Variants in CDH11 observed in about 807,000 individuals in gnomAD.
The protein encoded by CDH11 is cadherin-11.
CDH11 carries 11 observed loss-of-function variants against 67.8 expected under a neutral mutation model. That is an observed-to-expected ratio of 0.16 (90% CI 0.10 to 0.27). CDH11 has a LOEUF of 0.27. Among genes scored for constraint, CDH11 ranks in the 10% least tolerant of loss-of-function variants. The pLI is 1.00. For missense variants in CDH11, 847 were observed against 1,031.2 expected (o/e 0.82, Z 2.45); for synonymous variants, 419 against 400.0 (o/e 1.05, Z -0.57).
At chr16:64,980,079 G>A (rs189740816) in intron 8 of CDH11, among the ~76,000 whole-genome samples, 1 of 152,272 alleles carries the variant, frequency 6.6e-6, no homozygotes, top group Non-Finnish European at 1.5e-5. Flanking sequence ...GAAACGGGGA[G>A]TGACTGCTAA....
chr16:65,004,921 A>G lies in CDH11; in HGVS notation c.-52T>C, dbSNP rs1479311717. ...AATGCAGCTGTCACCCCTTCCACCA[A>G]CTGTACGGTGGTCTTGCTGAGGGTG... is the stretch of plus-strand genomic sequence containing the variant. On this transcript the variant is annotated 5_prime_UTR_variant, in exon 3 of 13. Transcript: ENST00000268603. 3 of 1,463,952 alleles carry G rather than the reference A, an allele frequency of 2.0e-6. No homozygotes were observed. Among genetic ancestry groups the G allele is most frequent in the South Asian group, 1.4e-5 (1 of 70,720 alleles). The allele number at this position is 1,463,952 out of a possible 1,614,324, so 90.7% of individuals were successfully genotyped here.
chr16:64,966,479 G>T (rs2071831281), intron 11 of CDH11, among the ~76,000 whole-genome samples: 1 of 151,746 alleles, frequency 6.6e-6, no homozygotes, highest in African/African-American at 2.4e-5. Flanking sequence ...ACATATATAT[G>T]TATAAAATTA....
Position 64,946,253 on chromosome 16 carries a change from G to C in CDH11, c.*1350C>G, listed in dbSNP as rs1051972069. On this transcript the variant is annotated 3_prime_UTR_variant, in exon 13 of 13. Transcript: ENST00000268603. ...AAATAAGCAGTTTCAACTATCAAGA[G>C]TCTTACAATAGCCTGGTAAGTTCAA... The C allele has an allele frequency of 6.7e-6, 7 of 1,047,976 alleles. No homozygotes were observed. The African/African-American group carries it at 1.0e-4, about 15-fold the overall frequency. The allele number at this position is 1,047,976 out of a possible 1,614,324, so 64.9% of individuals were successfully genotyped here.
intron 2 of CDH11, among the ~76,000 whole-genome samples, chr16:65,013,342 G>T (rs1042751210): frequency 2.0e-5 from 3 of 152,188 alleles, no homozygotes; most frequent in Admixed American, 2.0e-4. Flanking sequence ...TCTAGTCGGG[G>T]TTGACAGGAG....
intron 5 of CDH11, among the ~76,000 whole-genome samples, chr16:64,992,141 A>G (rs2072643441): frequency 1.3e-5 from 2 of 152,170 alleles, no homozygotes; most frequent in African/African-American, 2.4e-5. Flanking sequence ...ACTATACAGC[A>G]TTTGTATTTA....
At chr16:65,067,716 G>A (rs1031793083) in intron 1 of CDH11, among the ~76,000 whole-genome samples, 3 of 145,892 alleles carry the variant, frequency 2.1e-5, no homozygotes, top group African/African-American at 8.0e-5. Flanking sequence ...AGGGAAGAAG[G>A]GAGAAGAGAA....
intron 2 of CDH11, among the ~76,000 whole-genome samples, chr16:65,021,876 G>GAAAAAAAAAAAAAAAAA (rs35700448): frequency 6.4e-5 from 7 of 109,840 alleles, no homozygotes; most frequent in Non-Finnish European, 9.0e-5. Context: ...AAGTAACTCA[G>GAAAAAAAAAAAAAAAAA]AAAAAAAAAA....
chr16:65,107,173 A>G (rs2075079374), intron 1 of CDH11, among the ~76,000 whole-genome samples: 2 of 152,182 alleles, frequency 1.3e-5, no homozygotes, highest in African/African-American at 4.8e-5. Flanking sequence ...TAACAGAGCA[A>G]TGAAGAACAC....
chr16:65,004,620 G>C (rs1269936488), intron 3 of CDH11, 22 bp downstream of exon 3: 1 of 1,604,952 alleles, frequency 6.2e-7, no homozygotes, highest in Non-Finnish European at 8.5e-7. Context: ...GAAAGCTCAG[G>C]ATTGAGGGAA....
intron 1 of CDH11, among the ~76,000 whole-genome samples, chr16:65,112,069 CAAAAA>C (rs35671651): frequency 1.1e-5 from 1 of 91,322 alleles, no homozygotes; most frequent in Non-Finnish European, 2.1e-5. Context: ...GACTCTGTCT[CAAAAA>C]AAAAAAAAAA....
chr16:64,946,471 T>C lies in CDH11; in HGVS notation c.*1132A>G. 2 of 1,031,364 alleles carry C rather than the reference T, an allele frequency of 1.9e-6. No individual in the cohort carries two copies. Among genetic ancestry groups the C allele is most frequent in the Non-Finnish European group, 2.3e-6 (2 of 857,482 alleles). 63.9% of individuals were successfully genotyped at this position (1,031,364 alleles called of 1,614,324 possible). ...TGATATACAAGATAAATGCATACTA[T>C]ATAACACATATTGCAAAGTCATAGA... On this transcript the variant is annotated 3_prime_UTR_variant, in exon 13 of 13. Coordinates refer to ENST00000268603, the MANE Select transcript of CDH11 (RefSeq NM_001797.4).
intron 2 of CDH11, among the ~76,000 whole-genome samples, chr16:65,028,709 A>G (rs1345190114): frequency 6.6e-6 from 1 of 151,988 alleles, no homozygotes; most frequent in East Asian, 1.9e-4. Context: ...AGCTTGCACA[A>G]CCCCCTTCCA....
Position 64,945,593 on chromosome 16 carries a change from A to G in CDH11, c.*2010T>C, listed in dbSNP as rs1323912143. The G allele has an allele frequency of 9.7e-7, 1 of 1,032,146 alleles. No individual in the cohort carries two copies. 63.9% of individuals were successfully genotyped at this position (1,032,146 alleles called of 1,614,324 possible). ...TGGATTACAAAAACTATATAAAAAA[A>G]TGAACACAACCTGCAATTATGGAAG... On this transcript the variant is annotated 3_prime_UTR_variant, in exon 13 of 13. Transcript: ENST00000268603.
intron 2 of CDH11, among the ~76,000 whole-genome samples, chr16:65,045,125 G>A (rs1435758926): frequency 6.6e-6 from 1 of 151,388 alleles, no homozygotes; most frequent in Non-Finnish European, 1.5e-5. Flanking sequence ...ATGGTTTGGG[G>A]CAATGAATCA....
chr16:65,122,102 G>T, upstream of CDH11: 3 of 577,274 alleles, frequency 5.2e-6, no homozygotes, highest in Non-Finnish European at 9.1e-6. Flanking sequence ...TGAGAAACCG[G>T]GGGGAGGTGG....
At chr16:65,018,200 G>C (rs2073350309) in intron 2 of CDH11, among the ~76,000 whole-genome samples, 1 of 152,110 alleles carries the variant, frequency 6.6e-6, no homozygotes, top group Admixed American at 6.5e-5. Flanking sequence ...TTCTGGTCCT[G>C]TCAGAAAGTG....
intron 7 of CDH11, 168 bp downstream of exon 7, chr16:64,987,989 G>T (rs1037312319): frequency 3.8e-6 from 2 of 528,662 alleles, no homozygotes; most frequent in Non-Finnish European, 3.4e-6. Context: ...TAACAGAAAG[G>T]AATACAATTC....
intron 1 of CDH11, among the ~76,000 whole-genome samples, chr16:65,068,868 A>G (rs2074366077): frequency 6.6e-6 from 1 of 152,342 alleles, no homozygotes; most frequent in Admixed American, 6.5e-5. Context: ...CTTGCTTTCA[A>G]TGTCATCTTA....
At chr16:65,007,341 C>G (rs1272666642) in intron 2 of CDH11, among the ~76,000 whole-genome samples, 1 of 152,206 alleles carries the variant, frequency 6.6e-6, no homozygotes, top group East Asian at 1.9e-4. Flanking sequence ...GGACTTGAAA[C>G]TCTTAATATT....
Sources: allele counts gnomAD v4.1 joint callset (sites outside exome capture counted in the v4.1 genomes callset), GRCh38; gene constraint gnomAD v4.1.1; transcripts MANE v1.5; gene names NCBI Gene and HGNC (gene_info 2026-07-23, HGNC 2026-07-21).